Variants in FBXW4 observed in about 807,000 individuals in gnomAD.
FBXW4 encodes the protein F-box and WD repeat domain containing 4.
A neutral mutation model predicts 61.8 loss-of-function variants in FBXW4; 40 were observed. That is an observed-to-expected ratio of 0.65 (90% confidence interval 0.50 to 0.84). FBXW4 has a LOEUF of 0.84. Among genes scored for constraint, FBXW4 ranks in the 40% least tolerant of loss-of-function variants. The pLI, the probability that FBXW4 is intolerant of heterozygous loss-of-function variation, is 0.00. For missense variants in FBXW4, 672 were observed against 753.8 expected (o/e 0.89, Z 1.27); for synonymous variants, 311 against 313.8 (o/e 0.99, Z 0.10).
intron 4 of FBXW4, 105 bp downstream of exon 4, chr10:101,672,810 T>G (rs2134893762): frequency 7.2e-7 from 1 of 1,390,774 alleles, no homozygotes; most frequent in East Asian, 2.3e-5. Context: ...TTTTCTCCCC[T>G]GTCCCCAGAC....
chr10:101,674,684 TG>T (rs2064391164), intron 2 of FBXW4, among the ~76,000 whole-genome samples: 4 of 152,248 alleles, frequency 2.6e-5, no homozygotes, highest in Non-Finnish European at 5.9e-5. Context: ...CAGAGCATTC[TG>T]CTACAGTTCA....
intron 5 of FBXW4, among the ~76,000 whole-genome samples, chr10:101,658,983 C>T (rs892441555): frequency 3.2e-4 from 49 of 151,892 alleles, no homozygotes; most frequent in Non-Finnish European, 5.4e-4. Flanking sequence ...TACAAGTTTC[C>T]GCTCTACCAT....
chr10:101,627,305 G>A (rs2063915392), intron 5 of FBXW4, among the ~76,000 whole-genome samples: 1 of 152,170 alleles, frequency 6.6e-6, no homozygotes. Flanking sequence ...AAGAGGGAGA[G>A]AAAGCAGAGT....
chr10:101,688,111 C>T (rs1312106318), intron 1 of FBXW4, among the ~76,000 whole-genome samples: 1 of 152,226 alleles, frequency 6.6e-6, no homozygotes, highest in African/African-American at 2.4e-5. Flanking sequence ...AATGAACTGG[C>T]TGACCCCAAA....
intron 5 of FBXW4, among the ~76,000 whole-genome samples, chr10:101,642,367 A>G (rs1284001802): frequency 3.4e-5 from 5 of 148,560 alleles, no homozygotes; most frequent in Admixed American, 6.8e-5. Context: ...CCTGGCCAAC[A>G]TAGCGGGACC....
At position 101,673,636 on chromosome 10, in the gene FBXW4, A is replaced by G; in HGVS notation, c.859T>C (p.Tyr287His). The G allele has an allele frequency of 6.2e-7, 1 of 1,614,136 alleles. No individual in the cohort carries two copies. Among genetic ancestry groups the G allele is most frequent in the Non-Finnish European group, 8.5e-7 (1 of 1,179,958 alleles). ...AGGATGAAATTAGCCTGGGATATGT[A>G]CAGAGAATCATCCTCTAGCTGCATC... ...PWMQLEDDSLYISQANFILAY... is the reference protein window; with the variant it reads ...PWMQLEDDSLHISQANFILAY... The change falls in exon 3 of 9, where the codon TAC (tyrosine) becomes CAC (histidine). Residue 287 changes from tyrosine (Y) to histidine (H), a missense_variant. By Grantham distance (83) the Tyr-to-His change is moderately conservative (BLOSUM62 2). This residue lies in a region of FBXW4 where 312 missense variants were observed against 370.1 expected (regional missense o/e 0.84). Transcript: ENST00000331272.
intron 5 of FBXW4, among the ~76,000 whole-genome samples, chr10:101,658,299 C>A (rs2064209417): frequency 6.6e-6 from 1 of 152,186 alleles, no homozygotes; most frequent in Non-Finnish European, 1.5e-5. Context: ...ATAATCCCAG[C>A]ACTTTGGGAG....
intron 5 of FBXW4, among the ~76,000 whole-genome samples, chr10:101,639,628 C>T (rs535698205): frequency 3.3e-5 from 5 of 152,318 alleles, no homozygotes; most frequent in African/African-American, 2.4e-5. Context: ...TCAAGAGATG[C>T]GCAGCTGACC....
chr10:101,673,021 A>C lies in FBXW4; in HGVS notation c.1034T>G (p.Ile345Ser), dbSNP rs1378974095. 4 of 1,614,022 alleles carry C rather than the reference A, an allele frequency of 2.5e-6. No individual in the cohort carries two copies. In the South Asian group the frequency reaches 3.3e-5, roughly 13 times the overall value. Residue 345 changes from isoleucine (I) to serine (S), a missense_variant, in exon 4 of 9, where the codon ATT becomes AGT. Transcript: ENST00000331272. The part of the protein sequence containing the change: ...GGDGKIGIHK[I>S]HSTFTVKYSA... ...GTACTTGACAGTGAAGGTGCTGTGA[A>C]TCTTATGAATGCCAATCTTCCCATC... is the stretch of plus-strand genomic sequence containing the variant.
Position 101,611,324 on chromosome 10 carries a change from G to A in FBXW4, c.1671C>T (p.Tyr557=), listed in dbSNP as rs939713967. ...TTKHLYAALS[Y]NLHVLDFQNP Reference sequence around the variant, plus strand: ...TTTGAAAATCCAGGACGTGGAGGTTGTAAGACAGGGCAGCATAGAGATGCT... The same window carrying A: ...TTTGAAAATCCAGGACGTGGAGGTTATAAGACAGGGCAGCATAGAGATGCT... Residue 557 remains tyrosine (Y), a synonymous_variant, in exon 9 of 9, where the codon TAC becomes TAT. Transcript: ENST00000331272. The surrounding 1 kb of genome is among the most constrained non-coding windows in gnomAD (Gnocchi z 4.9). The A allele has an allele frequency of 6.2e-7, 1 of 1,614,120 alleles. No homozygotes were observed. Among genetic ancestry groups the A allele is most frequent in the Non-Finnish European group, 8.5e-7 (1 of 1,180,006 alleles).
intron 5 of FBXW4, among the ~76,000 whole-genome samples, chr10:101,633,932 C>T (rs540889683): frequency 6.6e-6 from 1 of 151,892 alleles, no homozygotes; most frequent in East Asian, 1.9e-4. Context: ...ATGGTGAAAC[C>T]CTGTCTCTAC....
At position 101,611,429 on chromosome 10, in the gene FBXW4, G is replaced by T. The variant is rs747166203; in HGVS notation, c.1585-19C>A. The T allele has an allele frequency of 1.9e-6, 3 of 1,610,408 alleles. No individual in the cohort carries two copies. The South Asian group carries it at 3.3e-5, about 18-fold the overall frequency. The stretch of plus-strand genomic sequence containing the variant: ...GGAAGGCCTGGAAGGGAGGGCACAG[G>T]AAGTGGTAAGAGCTTTCCAAGTGGG... On this transcript the variant is annotated intron_variant, in intron 8 of 8. Transcript: ENST00000331272. This position sits in a 1 kb window ranked among gnomAD's most constrained non-coding sequence, Gnocchi z 4.9.
chr10:101,612,509 TC>T, intron 6 of FBXW4, 32 bp from the exon 7 acceptor site: 1 of 1,514,144 alleles, frequency 6.6e-7, no homozygotes, highest in Non-Finnish European at 8.9e-7. Context: ...GAGAGGCTGC[TC>T]CACGTGGGTC....
intron 5 of FBXW4, among the ~76,000 whole-genome samples, chr10:101,629,700 C>T (rs1020335770): frequency 6.6e-6 from 1 of 151,872 alleles, no homozygotes; most frequent in African/African-American, 2.4e-5. Context: ...GTCTTGATTC[C>T]AGACCCAAGT....
At chr10:101,645,285 CCAA>C (rs1406507371) in intron 5 of FBXW4, among the ~76,000 whole-genome samples, 2 of 152,196 alleles carry the variant, frequency 1.3e-5, no homozygotes, top group Non-Finnish European at 2.9e-5. Flanking sequence ...GAAGCCCAGT[CCAA>C]CAACCTGCCT....
At chr10:101,650,079 T>G (rs928313333) in intron 5 of FBXW4, among the ~76,000 whole-genome samples, 2 of 152,158 alleles carry the variant, frequency 1.3e-5, no homozygotes, top group Non-Finnish European at 2.9e-5. Context: ...GACTCAGGGT[T>G]TGAGATAAGG....
intron 6 of FBXW4, among the ~76,000 whole-genome samples, chr10:101,620,182 C>G (rs141761521): frequency 3.5e-4 from 53 of 152,232 alleles, no homozygotes; most frequent in Non-Finnish European, 6.8e-4. Flanking sequence ...CGCCCAACCC[C>G]AAGTCCTGCC....
At chr10:101,618,198 G>C (rs1379183001) in intron 6 of FBXW4, among the ~76,000 whole-genome samples, 2 of 152,244 alleles carry the variant, frequency 1.3e-5, no homozygotes, top group Non-Finnish European at 2.9e-5. Flanking sequence ...CCTGTGCTCA[G>C]TTCAGGATAC....
chr10:101,676,738 G>GAAAAAAAAAAAAAAAAAAA (rs2064413552), intron 1 of FBXW4: 1 of 81,120 alleles, frequency 1.2e-5, no homozygotes. Context: ...AAAAAAAAAT[G>GAAAAAAAAAAAAAAAAAAA]AAATGAATCC....
Sources: gnomAD v4.1 joint callset for allele counts (sites outside exome capture counted in the v4.1 genomes callset) on GRCh38, gnomAD v4.1.1 for gene constraint, gnomAD v4.1.1 regional missense constraint, Gnocchi (gnomAD v3.1) non-coding constraint, MANE v1.5 for transcripts, NCBI Gene and HGNC (gene_info 2026-07-23, HGNC 2026-07-21) for gene names.